Variants in ZNF664 observed in about 807,000 individuals in gnomAD.
ZNF664 encodes zinc finger Organ of Corti 1.
A neutral mutation model predicts 18.2 loss-of-function variants in ZNF664; 10 were observed. The observed-to-expected ratio is 0.55, with a 90% CI of 0.34 to 0.93. ZNF664 has a LOEUF of 0.93. Ranked by LOEUF, ZNF664 falls within the 40% of genes least tolerant of loss-of-function variation. The pLI is 0.02. For synonymous variants in ZNF664, 119 were observed against 104.2 expected (o/e 1.14, Z -0.86); for missense variants, 193 against 319.0 (o/e 0.61, Z 3.01).
chr12:123,976,324 G>A (rs991878729), intron 2 of ZNF664, among the ~76,000 whole-genome samples: 2 of 152,214 alleles, frequency 1.3e-5, no homozygotes, highest in African/African-American at 4.8e-5. Context: ...TGAAGAGTGC[G>A]TAGGTGTTAG....
At chr12:123,974,740 G>A (rs1956665656) in intron 2 of ZNF664, among the ~76,000 whole-genome samples, 1 of 152,174 alleles carries the variant, frequency 6.6e-6, no homozygotes, top group Admixed American at 6.5e-5. Flanking sequence ...AACAAGGACT[G>A]TTGCACCGTA....
rs1157795269 is a variant in ZNF664, at chr12:124,012,266, T to G, written c.122T>G (p.Phe41Cys). The G allele has an allele frequency of 6.2e-7, 1 of 1,614,236 alleles. No homozygotes were observed. Among genetic ancestry groups the G allele is most frequent in the East Asian group, 2.2e-5 (1 of 44,882 alleles). ...TGTGACAAGTGTGATAAGGGTTTCT[T>G]TCATATATCAGAACTTCATATTCAT... ...HKCDKCDKGF[F>C]HISELHIHWR... The change falls in exon 5 of 5, where the codon TTT (phenylalanine) becomes TGT (cysteine). Residue 41 changes from phenylalanine to cysteine, a missense_variant. By Grantham distance (205) the Phe-to-Cys change is radical. Transcript: ENST00000337815.
In ZNF664 at chr12:124,014,397, C is replaced by T. The variant is rs1957168900; in HGVS notation, c.*1467C>T. 1 of 166,912 alleles carries T rather than the reference C, an allele frequency of 6.0e-6. No individual in the cohort carries two copies. Among genetic ancestry groups the T allele is most frequent in the Non-Finnish European group, 1.5e-5 (1 of 68,130 alleles). 10.3% of individuals were successfully genotyped at this position (166,912 alleles called of 1,614,324 possible). On this transcript the variant is annotated 3_prime_UTR_variant, in exon 5 of 5. Coordinates refer to ENST00000337815, the MANE Select transcript of ZNF664 (RefSeq NM_152437.3). ...TGGTCAGTATCCTGACTTTCAGAGG[C>T]CTTTTTTTGTTTGTTTTAATTTTTG...
At chr12:124,007,105 C>T (rs963975427) in intron 3 of ZNF664, among the ~76,000 whole-genome samples, 4 of 152,136 alleles carry the variant, frequency 2.6e-5, no homozygotes, top group South Asian at 4.1e-4. Flanking sequence ...TGGTTGGTCA[C>T]GTGGAAAATT....
At chr12:124,000,381 G>C (rs1956997535) in intron 3 of ZNF664, among the ~76,000 whole-genome samples, 1 of 152,128 alleles carries the variant, frequency 6.6e-6, no homozygotes, top group Non-Finnish European at 1.5e-5. Context: ...TGTTCATAGA[G>C]GCCCGTCCTT....
rs987519928 is a variant in ZNF664, at chr12:123,973,249, C to T, written c.-995C>T. ...CCCGGAGGCGTCTGGGTGTGCGGAG[C>T]GCGCGCGCGCGCGGCTCGGAGGCGC... On this transcript the variant is annotated 5_prime_UTR_variant, in exon 1 of 5. Coordinates refer to ENST00000337815, the MANE Select transcript of ZNF664 (RefSeq NM_152437.3). 2.8e-5 allele frequency: 25 copies of T among 891,128 alleles called. No individual in the cohort carries two copies. The East Asian group carries it at 8.7e-4, about 31-fold the overall frequency. 55.2% of individuals were successfully genotyped at this position (891,128 alleles called of 1,614,324 possible).
At chr12:123,975,733 C>G (rs965764620) in intron 2 of ZNF664, among the ~76,000 whole-genome samples, 2 of 152,142 alleles carry the variant, frequency 1.3e-5, no homozygotes, top group Non-Finnish European at 2.9e-5. Context: ...GTTTTACATA[C>G]CTTAAAAAAT....
At chr12:123,974,143 C>T (rs1956648113) in intron 2 of ZNF664, 123 bp downstream of exon 2, 1 of 641,454 alleles carries the variant, frequency 1.6e-6, no homozygotes, top group Non-Finnish European at 2.2e-6. Context: ...CTCCGTATAC[C>T]CCCTCCCAGA....
chr12:123,990,755 C>A (rs953200260), intron 3 of ZNF664, among the ~76,000 whole-genome samples: 1 of 152,202 alleles, frequency 6.6e-6, no homozygotes, highest in African/African-American at 2.4e-5. Flanking sequence ...TTGAGGGAGA[C>A]AAATCCAGTA....
In ZNF664 at chr12:123,979,149, A is replaced by G. The variant is rs186921216; in HGVS notation, c.-757+5129A>G. Among the ~76,000 whole-genome samples the G allele has an allele frequency of 6.6e-5, 10 of 152,344 alleles. No individual in the cohort carries two copies. The East Asian group carries it at 1.9e-3, about 29-fold the overall frequency. ...ATAAATGAAAGGATTGATAAATTTG[A>G]CTATAATCACAGTTGATAATTCTGT... On this transcript the variant is annotated intron_variant, in intron 2 of 4. Coordinates refer to ENST00000337815, the MANE Select transcript of ZNF664 (RefSeq NM_152437.3).
intron 2 of ZNF664, among the ~76,000 whole-genome samples, chr12:123,979,813 C>G (rs1956740548): frequency 6.7e-6 from 1 of 149,344 alleles, no homozygotes; most frequent in Non-Finnish European, 1.5e-5. Context: ...GTAGCTGGGA[C>G]CACACACACA....
intron 2 of ZNF664, among the ~76,000 whole-genome samples, chr12:123,978,768 C>A (rs111453297): frequency 6.6e-6 from 1 of 152,262 alleles, no homozygotes; most frequent in Non-Finnish European, 1.5e-5. Context: ...TCAAAGCATA[C>A]TGAAATGCTG....
At chr12:124,008,801 GCT>G (rs1168693940) in intron 3 of ZNF664, among the ~76,000 whole-genome samples, 2 of 151,998 alleles carry the variant, frequency 1.3e-5, no homozygotes, top group Non-Finnish European at 2.9e-5. Context: ...TGCATGATTG[GCT>G]CTGTGTTCCT....
At chr12:123,973,404 C>A in intron 1 of ZNF664, 52 bp downstream of exon 1, 1 of 202,596 alleles carries the variant, frequency 4.9e-6, no homozygotes, top group Non-Finnish European at 6.5e-6. Context: ...CGGAGGGAGG[C>A]GGGGGCCGGG....
At chr12:123,991,745 G>A (rs1956891489) in intron 3 of ZNF664, among the ~76,000 whole-genome samples, 1 of 152,230 alleles carries the variant, frequency 6.6e-6, no homozygotes, top group African/African-American at 2.4e-5. Flanking sequence ...AGGTCATTTT[G>A]TGAGAGGACT....
At chr12:123,992,909 T>C (rs928321790) in intron 3 of ZNF664, among the ~76,000 whole-genome samples, 4 of 152,168 alleles carry the variant, frequency 2.6e-5, no homozygotes, top group Non-Finnish European at 5.9e-5. Context: ...AGTGAAACTC[T>C]TCTCCTCTCA....
chr12:124,000,293 T>C (rs2138414761), intron 3 of ZNF664, among the ~76,000 whole-genome samples: 1 of 152,296 alleles, frequency 6.6e-6, no homozygotes, highest in South Asian at 2.1e-4. Context: ...TCTCAGCAGA[T>C]GGCCTTGCTT....
chr12:123,973,260 G>C lies in ZNF664; in HGVS notation c.-984G>C, dbSNP rs1956614010. The C allele has an allele frequency of 1.8e-5, 18 of 999,538 alleles. No individual in the cohort carries two copies. The highest frequency in any genetic ancestry group is 2.1e-5 in the Non-Finnish European group (18 of 841,938). The allele number at this position is 999,538 out of a possible 1,614,324, so 61.9% of individuals were successfully genotyped here. A position where few individuals can be genotyped will look rare whatever the true frequency, so the allele number is the denominator to read the frequency against. On this transcript the variant is annotated 5_prime_UTR_variant, in exon 1 of 5. Transcript: ENST00000337815. ...CTGGGTGTGCGGAGCGCGCGCGCGC[G>C]CGGCTCGGAGGCGCACCTGTGAGGT...
chr12:123,991,371 G>A (rs1410905902), intron 3 of ZNF664, among the ~76,000 whole-genome samples: 1 of 152,160 alleles, frequency 6.6e-6, no homozygotes, highest in East Asian at 1.9e-4. Context: ...TTATGGGTGG[G>A]AACAGGGAGC....
Sources: gnomAD v4.1 joint callset for allele counts (sites outside exome capture counted in the v4.1 genomes callset) on GRCh38, gnomAD v4.1.1 for gene constraint, MANE v1.5 for transcripts, NCBI Gene and HGNC (gene_info 2026-07-23, HGNC 2026-07-21) for gene names.